The following CNTROB variants were observed in gnomAD, a reference collection of about 807,000 sequenced individuals.
The protein encoded by CNTROB is centrobin.
A neutral mutation model predicts 115.7 loss-of-function variants in CNTROB; 82 were observed. That is an observed-to-expected ratio of 0.71 (90% CI 0.59 to 0.85). CNTROB has a LOEUF of 0.85. Among genes scored for constraint, CNTROB ranks in the 40% least tolerant of loss-of-function variants. The pLI is 0.00. For missense variants in CNTROB, 1,014 were observed against 1,144.4 expected (o/e 0.89, Z 1.64); for synonymous variants, 439 against 456.4 (o/e 0.96, Z 0.49).
At chr17:7,933,560 T>C (rs1241189058) in intron 1 of CNTROB, among the ~76,000 whole-genome samples, 10 of 152,192 alleles carry the variant, frequency 6.6e-5, no homozygotes, top group African/African-American at 2.4e-4. Flanking sequence ...CAGTGTTTTT[T>C]TGTGAGAGAC....
In CNTROB at chr17:7,933,196, T is replaced by TG. The variant is rs1206419692; in HGVS notation, c.118dup (p.Ala40GlyfsTer27). ...CGTCTGAAGTGACCTCCCAGCTCTA[T>TG]GCTTCTTTGCGCCTCAGCCGGCAGG... On this transcript the variant is annotated frameshift_variant, in exon 1 of 19. Coordinates refer to ENST00000563694, the MANE Select transcript of CNTROB (RefSeq NM_053051.5). LOFTEE classifies it high-confidence loss of function. 10 of 1,614,242 alleles carry TG rather than the reference T, an allele frequency of 6.2e-6. No homozygotes were observed. Among genetic ancestry groups the TG allele is most frequent in the Non-Finnish European group, 8.5e-6 (10 of 1,180,044 alleles).
intron 13 of CNTROB, 78 bp downstream of exon 13, chr17:7,946,064 T>C: frequency 7.6e-7 from 1 of 1,316,162 alleles, no homozygotes; most frequent in Non-Finnish European, 1.1e-6. Flanking sequence ...GCTTTCTGTC[T>C]GATACTTGAG....
In CNTROB at chr17:7,943,022, C is replaced by T. The variant is rs1303592183; in HGVS notation, c.1312-369C>T. Among the ~76,000 whole-genome samples the T allele has an allele frequency of 2.0e-5, 3 of 151,402 alleles. No homozygotes were observed. ...TTCACCGTGTTAGCCAAGATGGTCT[C>T]GATCTCCTGACCTCGTGATCCGCCC... is the stretch of plus-strand genomic sequence containing the variant. On this transcript the variant is annotated intron_variant, in intron 9 of 18. Transcript: ENST00000563694. The surrounding 1 kb of genome is among the most constrained non-coding windows in gnomAD (Gnocchi z 4.7).
At chr17:7,932,112 G>T, upstream of CNTROB, 1 of 506,714 alleles carries the variant, frequency 2.0e-6, no homozygotes, top group Non-Finnish European at 3.6e-6. Flanking sequence ...CGCACGCGCG[G>T]CCAGGCGCTC....
At position 7,948,864 on chromosome 17, in the gene CNTROB, T is replaced by C. The variant is rs991188659; in HGVS notation, c.2514-221T>C. 4 of 1,456,020 alleles carry C rather than the reference T, an allele frequency of 2.7e-6. No homozygotes were observed. Among genetic ancestry groups the C allele is most frequent in the Non-Finnish European group, 2.7e-6 (3 of 1,104,550 alleles). 90.2% of individuals were successfully genotyped at this position (1,456,020 alleles called of 1,614,324 possible). Reference sequence around the variant, plus strand: ...CCGGGTCTCTCTACCTTCGTTTTTTTCCTCTTTACCCCTCAGCTCAAAACT... The same window carrying C: ...CCGGGTCTCTCTACCTTCGTTTTTTCCCTCTTTACCCCTCAGCTCAAAACT... On this transcript the variant is annotated intron_variant, in intron 17 of 18. Transcript: ENST00000563694. This position sits in a 1 kb window ranked among gnomAD's most constrained non-coding sequence, Gnocchi z 4.4.
chr17:7,945,812 G>A lies in CNTROB; in HGVS notation c.1819G>A (p.Val607Met), dbSNP rs201982090. 474 of 1,614,072 alleles carry A rather than the reference G, an allele frequency of 2.9e-4. 1 individual carries two copies. Among genetic ancestry groups the A allele is most frequent in the Non-Finnish European group, 3.5e-4 (410 of 1,180,022 alleles). Residue 607 changes from valine to methionine, a missense_variant, in exon 13 of 19, where the codon GTG becomes ATG. Physicochemically the swap from Val to Met is conservative, Grantham distance 21. Transcript: ENST00000563694. ...GGTCTGGACTATGCCTCCCATGGCC[G>A]TGGCCCTGAAGCCTGTATTGCAGCA... is the stretch of plus-strand genomic sequence containing the variant. ...RRVWTMPPMA[V>M]ALKPVLQQSR...
Position 7,944,011 on chromosome 17 carries a change from T to C in CNTROB, c.1446-112T>C, listed in dbSNP as rs1974219105. 2 of 772,152 alleles carry C rather than the reference T, an allele frequency of 2.6e-6. No individual in the cohort carries two copies. Among genetic ancestry groups the C allele is most frequent in the African/African-American group, 1.7e-5 (1 of 57,510 alleles). The allele number at this position is 772,152 out of a possible 1,614,324, so 47.8% of individuals were successfully genotyped here. A position where few individuals can be genotyped will look rare whatever the true frequency, so the allele number is the denominator to read the frequency against. ...GCCGCTTCCTGTGCCATGGCCAGGC[T>C]AGCTGACTGGCTATCTGGGTCACTG... On this transcript the variant is annotated intron_variant, in intron 10 of 18. Transcript: ENST00000563694. The surrounding 1 kb of genome is among the most constrained non-coding windows in gnomAD (Gnocchi z 4.0).
chr17:7,945,588 C>T (rs761860587), intron 12 of CNTROB, 140 bp from the exon 13 acceptor site: 10 of 874,910 alleles, frequency 1.1e-5, no homozygotes, highest in East Asian at 1.0e-4. Flanking sequence ...CAGCCTCAAA[C>T]GGTCCTCCCA....
chr17:7,933,776 A>G (rs1283720467), intron 1 of CNTROB, among the ~76,000 whole-genome samples: 1 of 152,238 alleles, frequency 6.6e-6, no homozygotes, highest in African/African-American at 2.4e-5. Context: ...AGTCAACTAC[A>G]ACATGTTACA....
rs943090406 is a variant in CNTROB at position 7,935,899 on chromosome 17, A to G, written c.595-467A>G. ...GTCTGAAGGGGACAGAGAAATAGAC[A>G]AAGGAGAGGAAAAGTCAAAATCACT... is the stretch of plus-strand genomic sequence containing the variant. On this transcript the variant is annotated intron_variant, in intron 4 of 18. Coordinates refer to ENST00000563694, the MANE Select transcript of CNTROB (RefSeq NM_053051.5). The G allele has an allele frequency of 3.6e-5, 6 of 168,308 alleles. No homozygotes were observed. In the South Asian group the frequency reaches 8.4e-4, roughly 24 times the overall value. 10.4% of individuals were successfully genotyped at this position (168,308 alleles called of 1,614,324 possible).
chr17:7,947,576 G>GCCT lies in CNTROB; in HGVS notation c.2000_2002dup (p.Ala667_Phe668insSer). ...ATACCTGTTTCACTTTATAGCTGGG[G>GCCT]CCTTCTCTGCACTTGGGGCCTTCCA... On this transcript the variant is annotated inframe_insertion, in exon 14 of 19. Transcript: ENST00000563694. 6.2e-7 allele frequency: 1 copy of GCCT among 1,603,406 alleles called. No homozygotes were observed. The highest frequency in any genetic ancestry group is 1.3e-5 in the African/African-American group (1 of 74,754).
rs1972850716 is a variant in CNTROB at position 7,934,057 on chromosome 17, T to C, written c.271-81T>C. On this transcript the variant is annotated intron_variant, in intron 1 of 18. Transcript: ENST00000563694. ...TGGTTTTTCTTGTTTTCCAAAGTGC[T>C]GGAGTGAAAATTCTACCCTGGCAAT... is the stretch of plus-strand genomic sequence containing the variant. 4 of 1,172,586 alleles carry C rather than the reference T, an allele frequency of 3.4e-6. No individual in the cohort carries two copies. The Admixed American group carries it at 5.1e-5, about 15-fold the overall frequency. 72.6% of individuals were successfully genotyped at this position (1,172,586 alleles called of 1,614,324 possible). A position where few individuals can be genotyped will look rare whatever the true frequency, so the allele number is the denominator to read the frequency against.
Position 7,932,258 on chromosome 17 carries a change from G to A in CNTROB, c.-822G>A, listed in dbSNP as rs769968261. The A allele has an allele frequency of 1.5e-5, 3 of 206,358 alleles. No individual in the cohort carries two copies. The highest frequency in any genetic ancestry group is 5.4e-5 in the Admixed American group (1 of 18,578). 12.8% of individuals were successfully genotyped at this position (206,358 alleles called of 1,614,324 possible). A position where few individuals can be genotyped will look rare whatever the true frequency, so the allele number is the denominator to read the frequency against. On this transcript the variant is annotated 5_prime_UTR_variant, in exon 1 of 19. Transcript: ENST00000563694. ...TTGAGCGTAGGGGGAGGCGTGAGAGGGGGATCTCAGGGGAGGAGGTCAATC... is the reference window on the plus strand; with the variant it reads ...TTGAGCGTAGGGGGAGGCGTGAGAGAGGGATCTCAGGGGAGGAGGTCAATC...
At chr17:7,945,706 T>C (rs1292785700) in intron 12 of CNTROB, 22 bp from the exon 13 acceptor site, 4 of 1,608,644 alleles carry the variant, frequency 2.5e-6, no homozygotes, top group Non-Finnish European at 2.5e-6. Context: ...TTGACCCTTC[T>C]TTCTGCCTCT....
At position 7,939,370 on chromosome 17, in the gene CNTROB, A is replaced by T. The variant is rs1973572064; in HGVS notation, c.928-143A>T. 14 of 721,532 alleles carry T rather than the reference A, an allele frequency of 1.9e-5. No individual in the cohort carries two copies. The South Asian group carries it at 2.4e-4, about 12-fold the overall frequency. 44.7% of individuals were successfully genotyped at this position (721,532 alleles called of 1,614,324 possible). On this transcript the variant is annotated intron_variant, in intron 7 of 18. Coordinates refer to ENST00000563694, the MANE Select transcript of CNTROB (RefSeq NM_053051.5). The surrounding 1 kb of genome is among the most constrained non-coding windows in gnomAD (Gnocchi z 4.4). ...TGGCCTCCCAAAATGCTGGGATTAC[A>T]GGTGTGAGCCACCGCACCCGGCCTA...
chr17:7,941,598 CAAA>C (rs34778352), intron 9 of CNTROB, among the ~76,000 whole-genome samples: 189 of 79,958 alleles, frequency 2.4e-3, no homozygotes, highest in Admixed American at 9.1e-3. Flanking sequence ...GACTCCATCT[CAAA>C]AAAAAAAAAA....
At position 7,935,034 on chromosome 17, in the gene CNTROB, C is replaced by T. The variant is rs761030604; in HGVS notation, c.483C>T (p.Ala161=). Residue 161 remains alanine (A), a synonymous_variant, in exon 4 of 19, where the codon GCC becomes GCT. Coordinates refer to ENST00000563694, the MANE Select transcript of CNTROB (RefSeq NM_053051.5). ...QDLSPSSSAQ[A]LEELFPRYTS... The stretch of plus-strand genomic sequence containing the variant: ...TGTCTCCATCTAGCTCAGCCCAAGC[C>T]CTGGAGGAGCTGTTTCCCCGCTACA... The T allele has an allele frequency of 6.2e-7, 1 of 1,613,968 alleles. No homozygotes were observed.
rs941092038 is a variant in CNTROB, at chr17:7,947,704, C to G, written c.2127C>G (p.Leu709=). The change falls in exon 14 of 19, where the codon CTC becomes CTG. Residue 709 remains leucine, a synonymous_variant. Coordinates refer to ENST00000563694, the MANE Select transcript of CNTROB (RefSeq NM_053051.5). ...TGCCGCCTGCTCAGCTGGAGGGCCT[C>G]AAGAATTTTTTGCACCAGGTAAGAG... ...QGLPPAQLEG[L]KNFLHQLLET... 5.0e-6 allele frequency: 8 copies of G among 1,611,424 alleles called. No individual in the cohort carries two copies. Among genetic ancestry groups the G allele is most frequent in the Non-Finnish European group, 6.8e-6 (8 of 1,178,210 alleles).
At chr17:7,937,328 A>C (rs1973302484) in intron 7 of CNTROB, 66 bp downstream of exon 7, 1 of 1,581,404 alleles carries the variant, frequency 6.3e-7, no homozygotes, top group East Asian at 2.3e-5. Context: ...GCTGTGGGCT[A>C]TTGGTGGATT....
Sources: gnomAD v4.1 joint callset for allele counts (sites outside exome capture counted in the v4.1 genomes callset) on GRCh38, gnomAD v4.1.1 for gene constraint, Gnocchi (gnomAD v3.1) non-coding constraint, MANE v1.5 for transcripts, NCBI Gene and HGNC (gene_info 2026-07-23, HGNC 2026-07-21) for gene names.